The following CERS6 variants were observed in gnomAD, a reference collection of about 807,000 sequenced individuals.
CERS6 encodes the protein LAG1 homolog, ceramide synthase 6.
Under a neutral mutation model 56.8 loss-of-function variants are expected in CERS6, and 26 were observed. The ratio of observed to expected loss-of-function variants is 0.46; its 90% CI spans 0.34 to 0.63. The LOEUF (loss-of-function observed/expected upper bound fraction) is 0.63. CERS6 is among the 30% of genes least tolerant of loss of function. The probability of loss-of-function intolerance (pLI) is 0.01; values close to 1 mark genes in which losing one functional copy is unlikely to be tolerated. For missense variants in CERS6, 415 were observed against 467.5 expected (o/e 0.89, Z 1.04); for synonymous variants, 164 against 173.3 (o/e 0.95, Z 0.42).
chr2:168,534,407 C>CTT (rs34587789), intron 1 of CERS6, among the ~76,000 whole-genome samples: 4 of 136,646 alleles, frequency 2.9e-5, no homozygotes, highest in African/African-American at 5.5e-5. Flanking sequence ...TTTTGTGGGG[C>CTT]TTTTTTTTTT....
intron 4 of CERS6, among the ~76,000 whole-genome samples, chr2:168,664,222 G>C (rs1863146): frequency 0.42 from 63,158 of 151,978 alleles, 14,210 homozygotes; most frequent in Non-Finnish European, 0.51. Flanking sequence ...GAGAAGTGTT[G>C]TGGGGAAGGC....
At chr2:168,483,208 A>G (rs1694208557) in intron 1 of CERS6, among the ~76,000 whole-genome samples, 1 of 152,014 alleles carries the variant, frequency 6.6e-6, no homozygotes, top group South Asian at 2.1e-4. Flanking sequence ...AGTAGGTACT[A>G]TTTTTACTTC....
intron 2 of CERS6, among the ~76,000 whole-genome samples, chr2:168,552,375 C>T (rs1270883527): frequency 8.0e-6 from 1 of 124,720 alleles, no homozygotes; most frequent in Admixed American, 8.2e-5. Context: ...CACACACACA[C>T]ACACACACAC....
chr2:168,743,639 G>GATGCTA (rs1328983171), intron 8 of CERS6, among the ~76,000 whole-genome samples: 1 of 152,208 alleles, frequency 6.6e-6, no homozygotes, highest in Admixed American at 6.5e-5. Context: ...TAATAAGCCT[G>GATGCTA]ATGCTACATC....
chr2:168,502,757 C>G (rs1363494621), intron 1 of CERS6, among the ~76,000 whole-genome samples: 2 of 152,212 alleles, frequency 1.3e-5, no homozygotes, highest in Non-Finnish European at 2.9e-5. Context: ...CATGTAGTTC[C>G]CCCTGTTGGG....
intron 4 of CERS6, chr2:168,644,117 CTTG>C (rs1685114948): frequency 3.1e-5 from 31 of 985,008 alleles, no homozygotes; most frequent in Non-Finnish European, 3.7e-5. Context: ...GGAGATATGA[CTTG>C]CTTGCAAGTA....
chr2:168,764,578 C>G (rs901351821), intron 8 of CERS6, among the ~76,000 whole-genome samples: 1 of 152,078 alleles, frequency 6.6e-6, no homozygotes, highest in Non-Finnish European at 1.5e-5. Flanking sequence ...TCTAATGACT[C>G]TCCTACTAGA....
intron 9 of CERS6, among the ~76,000 whole-genome samples, chr2:168,768,145 T>G (rs547672456): frequency 2.0e-5 from 3 of 152,208 alleles, no homozygotes; most frequent in Non-Finnish European, 4.4e-5. Flanking sequence ...TCTTCTCACC[T>G]TATTTTGACC....
intron 3 of CERS6, among the ~76,000 whole-genome samples, chr2:168,567,733 T>C (rs1406108451): frequency 6.6e-6 from 1 of 152,202 alleles, no homozygotes; most frequent in African/African-American, 2.4e-5. Context: ...CAGTCATCCA[T>C]TTCTCAGAGT....
chr2:168,607,384 T>C (rs1277880863), intron 3 of CERS6, among the ~76,000 whole-genome samples: 3 of 152,132 alleles, frequency 2.0e-5, no homozygotes, highest in Non-Finnish European at 4.4e-5. Context: ...ATCTTTTTTT[T>C]GTTTGTTTAT....
In CERS6 at chr2:168,771,426, T is replaced by C. The variant is rs1333545529; in HGVS notation, c.*1764T>C. 1 of 152,210 alleles carries C rather than the reference T, an allele frequency of 6.6e-6. No individual in the cohort carries two copies. The highest frequency in any genetic ancestry group is 1.9e-4 in the East Asian group (1 of 5,202). 9.4% of individuals were successfully genotyped at this position (152,210 alleles called of 1,614,324 possible). ...AGGCTTAGAAATACATCTGCTTGTT[T>C]ATTGAGAAAACGATGCAAATAATTC... On this transcript the variant is annotated 3_prime_UTR_variant, in exon 10 of 10. Transcript: ENST00000305747.
chr2:168,582,152 G>A (rs1392789829), intron 3 of CERS6, among the ~76,000 whole-genome samples: 1 of 152,162 alleles, frequency 6.6e-6, no homozygotes, highest in Non-Finnish European at 1.5e-5. Flanking sequence ...GTAGAGGTAG[G>A]GTTTATGTAT....
At chr2:168,552,009 A>G (rs918644873) in intron 2 of CERS6, among the ~76,000 whole-genome samples, 9 of 151,862 alleles carry the variant, frequency 5.9e-5, no homozygotes, top group African/African-American at 1.7e-4. Context: ...GTGAGAATAT[A>G]TGTCAGGTAT....
intron 1 of CERS6, among the ~76,000 whole-genome samples, chr2:168,523,504 G>A (rs879358328): frequency 2.6e-5 from 4 of 152,020 alleles, no homozygotes; most frequent in African/African-American, 4.8e-5. Flanking sequence ...AGAGGTGGTC[G>A]TTGGGTGGAA....
chr2:168,755,146 A>C (rs1684380555), intron 8 of CERS6, among the ~76,000 whole-genome samples: 1 of 152,250 alleles, frequency 6.6e-6, no homozygotes, highest in Non-Finnish European at 1.5e-5. Context: ...GGTTAGAAAC[A>C]ACAAAACCTC....
intron 8 of CERS6, among the ~76,000 whole-genome samples, chr2:168,748,119 C>G (rs1440594548): frequency 2.0e-5 from 3 of 152,192 alleles, no homozygotes; most frequent in African/African-American, 7.2e-5. Context: ...TGCCACCTAA[C>G]CTTCTGACAA....
chr2:168,575,468 G>C (rs1683239119), intron 3 of CERS6, among the ~76,000 whole-genome samples: 1 of 151,950 alleles, frequency 6.6e-6, no homozygotes, highest in Non-Finnish European at 1.5e-5. Context: ...CAGCTTTCGT[G>C]AGAACTCACT....
At chr2:168,547,951 A>G (rs902402284) in intron 2 of CERS6, among the ~76,000 whole-genome samples, 7 of 152,200 alleles carry the variant, frequency 4.6e-5, no homozygotes, top group African/African-American at 7.2e-5. Context: ...AATAATGATT[A>G]GTCTAATTCT....
intron 4 of CERS6, among the ~76,000 whole-genome samples, chr2:168,665,066 T>C (rs1685724379): frequency 1.3e-5 from 2 of 152,188 alleles, no homozygotes; most frequent in Non-Finnish European, 2.9e-5. Context: ...TTCTCTTCTT[T>C]GCAGCCAAAT....
Sources: allele counts gnomAD v4.1 joint callset (sites outside exome capture counted in the v4.1 genomes callset), GRCh38; gene constraint gnomAD v4.1.1; transcripts MANE v1.5; gene names NCBI Gene and HGNC (gene_info 2026-07-23, HGNC 2026-07-21).